Variants in EFHD2 observed in about 807,000 individuals in gnomAD.
EFHD2 encodes EF-hand domain-containing protein D2.
In EFHD2, 12 loss-of-function variants were observed where a neutral mutation model predicts 20.3. That is an observed-to-expected ratio of 0.59 (90% confidence interval 0.38 to 0.96). The LOEUF is 0.96. Among genes scored for constraint, EFHD2 ranks in the 40% least tolerant of loss-of-function variants. The pLI is 0.00. For synonymous variants in EFHD2, 131 were observed against 143.9 expected (o/e 0.91, Z 0.64); for missense variants, 250 against 334.3 (o/e 0.75, Z 1.97).
At chr1:15,419,000 G>C (rs1209040332) in intron 1 of EFHD2, among the ~76,000 whole-genome samples, 1 of 152,276 alleles carries the variant, frequency 6.6e-6, no homozygotes, top group East Asian at 1.9e-4. Flanking sequence ...CACATAGCAA[G>C]TGCTCAGCAG....
chr1:15,417,018 T>C (rs1191500729), intron 1 of EFHD2, among the ~76,000 whole-genome samples: 1 of 152,056 alleles, frequency 6.6e-6, no homozygotes, highest in Non-Finnish European at 1.5e-5. Context: ...ATTATGTTGC[T>C]CAGACTGGTC....
At chr1:15,411,281 C>T (rs1707504805) in intron 1 of EFHD2, among the ~76,000 whole-genome samples, 2 of 151,986 alleles carry the variant, frequency 1.3e-5, no homozygotes, top group Admixed American at 1.3e-4. Context: ...GTGACTTGCC[C>T]TGTTACCCCC....
At chr1:15,425,380 C>T (rs760532362) in intron 1 of EFHD2, among the ~76,000 whole-genome samples, 1 of 152,098 alleles carries the variant, frequency 6.6e-6, no homozygotes, top group Non-Finnish European at 1.5e-5. Context: ...CAAAAATTAG[C>T]TGGGTGTGGT....
At chr1:15,411,104 G>A (rs376902349) in intron 1 of EFHD2, among the ~76,000 whole-genome samples, 15 of 150,242 alleles carry the variant, frequency 1.0e-4, no homozygotes, top group African/African-American at 3.4e-4. Context: ...CCTCCCTCCC[G>A]CTCCTGCCCG....
chr1:15,418,791 G>A (rs1461721212), intron 1 of EFHD2, among the ~76,000 whole-genome samples: 2 of 152,188 alleles, frequency 1.3e-5, no homozygotes, highest in Non-Finnish European at 2.9e-5. Context: ...TGTCCTGATA[G>A]GCATCAGGGC....
chr1:15,414,408 G>C (rs1015164072), intron 1 of EFHD2, among the ~76,000 whole-genome samples: 1 of 152,272 alleles, frequency 6.6e-6, no homozygotes. Context: ...GAATACAGCT[G>C]TGGGCTGTGG....
At position 15,426,050 on chromosome 1, in the gene EFHD2, C is replaced by G; in HGVS notation, c.456+32C>G. On this transcript the variant is annotated intron_variant, in intron 2 of 3. Transcript: ENST00000375980. This position sits in a 1 kb window ranked among gnomAD's most constrained non-coding sequence, Gnocchi z 4.6. ...CCGGCCCCCAGCCCCACTCCCCTAC[C>G]AGGGGCTTCACCTGAGGACCTGGTG... 6.5e-7 allele frequency: 1 copy of G among 1,539,108 alleles called. No homozygotes were observed. The highest frequency in any genetic ancestry group is 1.4e-5 in the African/African-American group (1 of 70,572).
chr1:15,412,788 G>A (rs1037738576), intron 1 of EFHD2, among the ~76,000 whole-genome samples: 2 of 152,178 alleles, frequency 1.3e-5, no homozygotes, highest in African/African-American at 2.4e-5. Flanking sequence ...CTTCATTTGC[G>A]CAGCAAACTC....
At position 15,429,905 on chromosome 1, in the gene EFHD2, T is replaced by A. The variant is rs576750492; in HGVS notation, c.*1181T>A. 1.3e-5 allele frequency: 2 copies of A among 152,872 alleles called. No individual in the cohort carries two copies. Among genetic ancestry groups the A allele is most frequent in the East Asian group, 1.9e-4 (1 of 5,184 alleles). 9.5% of individuals were successfully genotyped at this position (152,872 alleles called of 1,614,324 possible). On this transcript the variant is annotated 3_prime_UTR_variant, in exon 4 of 4. Coordinates refer to ENST00000375980, the MANE Select transcript of EFHD2 (RefSeq NM_024329.6). ...TGTGCCTGTGTGTGGTGTCTGTTGC[T>A]GTGTCGTGAAACTGTGACCATCACT...
In EFHD2 at chr1:15,410,049, G is replaced by T. The variant is rs1707435020; in HGVS notation, c.78G>T (p.Glu26Asp). Reference sequence around the variant, plus strand: ...GCGAGGGCGGCGGCGAGACCCCGGAGCAGCCCGGGCTGAACGGGGCAGCGG... The same window carrying T: ...GCGAGGGCGGCGGCGAGACCCCGGATCAGCCCGGGCTGAACGGGGCAGCGG... ...MEGEGGGETPEQPGLNGAAAA... is the reference protein window; with the variant it reads ...MEGEGGGETPDQPGLNGAAAA... Residue 26 changes from glutamate (E) to aspartate (D), a missense_variant, in exon 1 of 4, where the codon GAG becomes GAT. By Grantham distance (45) the Glu-to-Asp change is conservative. This residue lies in a region of EFHD2 where 143 missense variants were observed against 190.6 expected (regional missense o/e 0.75). Transcript: ENST00000375980. The T allele has an allele frequency of 1.5e-6, 2 of 1,310,886 alleles. No homozygotes were observed. The highest frequency in any genetic ancestry group is 1.9e-6 in the Non-Finnish European group (2 of 1,033,254). 81.2% of individuals were successfully genotyped at this position (1,310,886 alleles called of 1,614,324 possible). A position where few individuals can be genotyped will look rare whatever the true frequency, so the allele number is the denominator to read the frequency against.
chr1:15,416,525 C>T (rs1030224663), intron 1 of EFHD2, among the ~76,000 whole-genome samples: 1 of 152,220 alleles, frequency 6.6e-6, no homozygotes, highest in African/African-American at 2.4e-5. Flanking sequence ...TCCTGAGCCA[C>T]AGACACTTCA....
intron 1 of EFHD2, among the ~76,000 whole-genome samples, chr1:15,419,091 C>T (rs534729060): frequency 7.9e-5 from 12 of 152,364 alleles, no homozygotes; most frequent in South Asian, 6.2e-4. Context: ...GCATGGTTGA[C>T]GCCTCCACTG....
rs34866686 is a variant in EFHD2 at position 15,425,883 on chromosome 1, G to T, written c.321G>T (p.Gly107=). ...TTTGCATCTGCAGGTATGATGCCGG[G>T]CGGGACGGCTTCATCGACCTGATGG... is the stretch of plus-strand genomic sequence containing the variant. The part of the protein sequence containing the change: ...MEKMFKQYDA[G]RDGFIDLMEL... Residue 107 remains glycine, a synonymous_variant, in exon 2 of 4, where the codon GGG becomes GGT. Transcript: ENST00000375980. 6.2e-7 allele frequency: 1 copy of T among 1,607,258 alleles called. No homozygotes were observed. Among genetic ancestry groups the T allele is most frequent in the South Asian group, 1.1e-5 (1 of 89,906 alleles).
At chr1:15,417,602 C>A (rs945499968) in intron 1 of EFHD2, among the ~76,000 whole-genome samples, 1 of 152,224 alleles carries the variant, frequency 6.6e-6, no homozygotes, top group Non-Finnish European at 1.5e-5. Flanking sequence ...CCATACCCCA[C>A]TTAGCTGAAC....
Position 15,409,999 on chromosome 1 carries a change from C to G in EFHD2, c.28C>G (p.Leu10Val). 8.0e-7 allele frequency: 1 copy of G among 1,255,856 alleles called. No individual in the cohort carries two copies. 77.8% of individuals were successfully genotyped at this position (1,255,856 alleles called of 1,614,324 possible). A position where few individuals can be genotyped will look rare whatever the true frequency, so the allele number is the denominator to read the frequency against. The change falls in exon 1 of 4, where the codon CTG becomes GTG. Residue 10 changes from leucine (L) to valine (V), a missense_variant. Around this residue, in one of 3 missense-constraint regions of EFHD2, gnomAD observed 143 missense variants for 190.6 expected, o/e 0.75. Transcript: ENST00000375980. The stretch of plus-strand genomic sequence containing the variant: ...GGCCACGGACGAGCTGGCCACCAAG[C>G]TGAGCCGGCGGCTGCAGATGGAGGG... Reference protein sequence around the residue: MATDELATKLSRRLQMEGEG... With the variant: MATDELATKVSRRLQMEGEG...
Position 15,413,463 on chromosome 1 carries a change from G to T in EFHD2, c.308+3184G>T, listed in dbSNP as rs1707583262. 6.6e-6 allele frequency among the ~76,000 whole-genome samples: 1 copy of T among 152,166 alleles called. No individual in the cohort carries two copies. The highest frequency in any genetic ancestry group is 1.5e-5 in the Non-Finnish European group (1 of 68,036). Reference sequence around the variant, plus strand: ...GTCTGAGGGGTCCTGAGCCCTTCTGGATATTGGAACTGCCTTCCAGGGCCT... The same window carrying T: ...GTCTGAGGGGTCCTGAGCCCTTCTGTATATTGGAACTGCCTTCCAGGGCCT... On this transcript the variant is annotated intron_variant, in intron 1 of 3. Coordinates refer to ENST00000375980, the MANE Select transcript of EFHD2 (RefSeq NM_024329.6). This position sits in a 1 kb window ranked among gnomAD's most constrained non-coding sequence, Gnocchi z 4.4.
chr1:15,417,807 G>A (rs921605192), intron 1 of EFHD2, among the ~76,000 whole-genome samples: 5 of 152,066 alleles, frequency 3.3e-5, no homozygotes, highest in African/African-American at 9.7e-5. Context: ...GGACCTGCAC[G>A]CCCAGAGCGG....
At chr1:15,412,588 C>G (rs1707555388) in intron 1 of EFHD2, among the ~76,000 whole-genome samples, 1 of 152,146 alleles carries the variant, frequency 6.6e-6, no homozygotes, top group Non-Finnish European at 1.5e-5. Flanking sequence ...ATTCATGTCC[C>G]CAACCCCAGC....
chr1:15,423,747 G>A (rs1707829739), intron 1 of EFHD2, among the ~76,000 whole-genome samples: 1 of 152,178 alleles, frequency 6.6e-6, no homozygotes, highest in Non-Finnish European at 1.5e-5. Context: ...GTAAGAAGGT[G>A]CAGAAATGAG....
Sources: allele counts gnomAD v4.1 joint callset (sites outside exome capture counted in the v4.1 genomes callset), GRCh38; gene constraint gnomAD v4.1.1; regional missense constraint gnomAD v4.1.1; non-coding constraint Gnocchi (gnomAD v3.1); transcripts MANE v1.5; gene names NCBI Gene and HGNC (gene_info 2026-07-23, HGNC 2026-07-21).